The following NOS1 variants were observed in gnomAD, a reference collection of about 807,000 sequenced individuals.
NOS1 encodes NOS type I.
NOS1 carries 51 observed loss-of-function variants against 164.5 expected under a neutral mutation model. That is an observed-to-expected ratio of 0.31 (90% confidence interval 0.25 to 0.39). NOS1 has a LOEUF of 0.39. Ranked by LOEUF, NOS1 falls within the 10% of genes least tolerant of loss-of-function variation. The pLI is 1.00. For synonymous variants in NOS1, 719 were observed against 745.8 expected (o/e 0.96, Z 0.59); for missense variants, 1,362 against 1,885.6 (o/e 0.72, Z 5.14).
intron 16 of NOS1, among the ~76,000 whole-genome samples, chr12:117,255,194 T>C (rs1278684715): frequency 6.6e-6 from 1 of 152,084 alleles, no homozygotes; most frequent in East Asian, 1.9e-4. Flanking sequence ...GGAACCTTGA[T>C]ATTAAAAAAA....
intron 16 of NOS1, among the ~76,000 whole-genome samples, chr12:117,254,947 G>C (rs1025552663): frequency 2.0e-5 from 3 of 152,164 alleles, no homozygotes; most frequent in African/African-American, 7.2e-5. Context: ...ACAATGTTCA[G>C]CACTGACGCC....
At chr12:117,280,972 A>T in intron 7 of NOS1, 106 bp from the exon 8 acceptor site, 1 of 1,321,260 alleles carries the variant, frequency 7.6e-7, no homozygotes, top group South Asian at 1.4e-5. Flanking sequence ...GGCTCAGGGT[A>T]GATTACCTCC....
chr12:117,220,051 C>G (rs1190332396), intron 27 of NOS1, 24 bp downstream of exon 27: 2 of 1,582,752 alleles, frequency 1.3e-6, no homozygotes, highest in South Asian at 2.3e-5. Flanking sequence ...GAAAAGGGAC[C>G]TGGGAAGTCA....
intron 3 of NOS1, among the ~76,000 whole-genome samples, chr12:117,299,637 AAAAAAAAAAAAAG>A (rs1187923323): frequency 7.0e-6 from 1 of 142,270 alleles, no homozygotes; most frequent in African/African-American, 2.7e-5. Flanking sequence ...TTTGTCTCCA[AAAAAAAAAAAAAG>A]AAAAAAAGAA....
chr12:117,330,449 C>T lies in NOS1; in HGVS notation c.621G>A (p.Lys207=), dbSNP rs746166425. Residue 207 remains lysine, a synonymous_variant, in exon 2 of 29, where the codon AAG becomes AAA. Transcript: ENST00000317775. The surrounding 1 kb of genome is among the most constrained non-coding windows in gnomAD (Gnocchi z 4.6). ...GAAGGCTCAGCACAGGCTCTATCTCCTTGAGCAGTTCATTGTTCTCCCCTC... is the reference window on the plus strand; with the variant it reads ...GAAGGCTCAGCACAGGCTCTATCTCTTTGAGCAGTTCATTGTTCTCCCCTC... ...QGRGENNELL[K]EIEPVLSLLT... is the part of the protein sequence containing the mutation. 19 of 1,614,118 alleles carry T rather than the reference C, an allele frequency of 1.2e-5. No homozygotes were observed. The Admixed American group carries it at 2.7e-4, about 23-fold the overall frequency.
chr12:117,272,359 C>T lies in NOS1; in HGVS notation c.1839+26G>A, dbSNP rs368421180. On this transcript the variant is annotated intron_variant, in intron 10 of 28. Transcript: ENST00000317775. This position sits in a 1 kb window ranked among gnomAD's most constrained non-coding sequence, Gnocchi z 4.3. Reference sequence around the variant, plus strand: ...GCACCCTCTGCTATGTGCTTTTCCCCTGTGGTGACCAGAGAGGGCCCTTAC... The same window carrying T: ...GCACCCTCTGCTATGTGCTTTTCCCTTGTGGTGACCAGAGAGGGCCCTTAC... 1.5e-5 allele frequency: 25 copies of T among 1,613,730 alleles called. No individual in the cohort carries two copies. The highest frequency in any genetic ancestry group is 6.7e-5 in the East Asian group (3 of 44,876).
intron 1 of NOS1, among the ~76,000 whole-genome samples, chr12:117,358,331 C>T (rs1187174877): frequency 2.0e-5 from 3 of 151,774 alleles, no homozygotes; most frequent in South Asian, 2.1e-4. Flanking sequence ...ACAATACCCC[C>T]GCCCTCTCAC....
Position 117,227,608 on chromosome 12 carries a change from T to C in NOS1, c.3439A>G (p.Lys1147Glu), listed in dbSNP as rs1426211397. The C allele has an allele frequency of 6.2e-7, 1 of 1,614,088 alleles. No individual in the cohort carries two copies. The highest frequency in any genetic ancestry group is 8.5e-7 in the Non-Finnish European group (1 of 1,179,962). ...LQEYEEWKWG[K>E]NPTIVEVLEE... ...AGCACCTCCACGATGGTGGGGTTCT[T>C]GCCCCATTTCCATTCCTCGTACTCC... The change falls in exon 23 of 29, where the codon AAG becomes GAG. Residue 1147 changes from lysine (K) to glutamate (E), a missense_variant. Coordinates refer to ENST00000317775, the MANE Select transcript of NOS1 (RefSeq NM_000620.5).
At chr12:117,328,584 A>G (rs1300879770) in intron 2 of NOS1, among the ~76,000 whole-genome samples, 3 of 151,250 alleles carry the variant, frequency 2.0e-5, no homozygotes, top group African/African-American at 7.3e-5. Context: ...TTTGAGACGC[A>G]GTCTTGCTCT....
chr12:117,233,722 C>A (rs1307918703), intron 21 of NOS1, among the ~76,000 whole-genome samples: 3 of 149,310 alleles, frequency 2.0e-5, no homozygotes, highest in Non-Finnish European at 4.4e-5. Flanking sequence ...GCAGGAGAAT[C>A]GCTTGAACCT....
intron 3 of NOS1, among the ~76,000 whole-genome samples, chr12:117,294,232 G>A (rs1015994911): frequency 2.6e-5 from 4 of 152,178 alleles, no homozygotes; most frequent in African/African-American, 9.6e-5. Flanking sequence ...CAGATGTGGT[G>A]ATGACATCGG....
intron 9 of NOS1, among the ~76,000 whole-genome samples, chr12:117,275,406 T>TAAAC (rs1873100337): frequency 6.6e-6 from 1 of 152,124 alleles, no homozygotes; most frequent in African/African-American, 2.4e-5. Flanking sequence ...AACTGAAAGT[T>TAAAC]AAACACTGAA....
In NOS1 at chr12:117,211,042, C is replaced by G; in HGVS notation, c.*4267G>C. The G allele has an allele frequency of 1.4e-6, 1 of 722,940 alleles. No homozygotes were observed. 44.8% of individuals were successfully genotyped at this position (722,940 alleles called of 1,614,324 possible). On this transcript the variant is annotated 3_prime_UTR_variant, in exon 29 of 29. Transcript: ENST00000317775. ...TACAATCTTGGCTCACTGCAGCCTC[C>G]ACCTCCTGGGCTCAAGCGATCCTCC...
At chr12:117,326,569 T>A (rs1054613914) in intron 2 of NOS1, among the ~76,000 whole-genome samples, 2 of 152,144 alleles carry the variant, frequency 1.3e-5, no homozygotes, top group Admixed American at 6.5e-5. Context: ...CTAGACCTTG[T>A]TTCTCCTCTG....
At position 117,321,746 on chromosome 12, in the gene NOS1, G is replaced by A. The variant is rs187946817; in HGVS notation, c.725+8599C>T. On this transcript the variant is annotated intron_variant, in intron 2 of 28. Transcript: ENST00000317775. ...AGATACATCAAGTGTGGTCTGGGAG[G>A]AGTGCTTCTGACTCAGACAGTCCTG... Among the ~76,000 whole-genome samples, 56 of 152,276 alleles carry A rather than the reference G, an allele frequency of 3.7e-4. 1 individual carries two copies. The highest frequency in any genetic ancestry group is 1.2e-3 in the Admixed American group (19 of 15,302).
At position 117,214,604 on chromosome 12, in the gene NOS1, T is replaced by C; in HGVS notation, c.*705A>G. ...CTCTTTCATTGGGAGACAGCCCCTT[T>C]AATCAATTTCCCACTCCTCTCCCCA... On this transcript the variant is annotated 3_prime_UTR_variant, in exon 29 of 29. Coordinates refer to ENST00000317775, the MANE Select transcript of NOS1 (RefSeq NM_000620.5). 1 of 985,422 alleles carries C rather than the reference T, an allele frequency of 1.0e-6. No homozygotes were observed. Among genetic ancestry groups the C allele is most frequent in the Non-Finnish European group, 1.2e-6 (1 of 829,942 alleles). 61.0% of individuals were successfully genotyped at this position (985,422 alleles called of 1,614,324 possible). A position where few individuals can be genotyped will look rare whatever the true frequency, so the allele number is the denominator to read the frequency against.
intron 3 of NOS1, among the ~76,000 whole-genome samples, chr12:117,307,248 A>C (rs1874198572): frequency 6.6e-6 from 1 of 152,214 alleles, no homozygotes; most frequent in South Asian, 2.1e-4. Flanking sequence ...GTAGGGGGTA[A>C]GCTAAATCAG....
chr12:117,335,982 C>T (rs1875801209), intron 1 of NOS1, among the ~76,000 whole-genome samples: 1 of 152,206 alleles, frequency 6.6e-6, no homozygotes, highest in South Asian at 2.1e-4. Flanking sequence ...GCTGTGTCTA[C>T]AGGCATGAGC....
chr12:117,303,299 C>A (rs139263318), intron 3 of NOS1, among the ~76,000 whole-genome samples: 3 of 152,178 alleles, frequency 2.0e-5, no homozygotes, highest in Non-Finnish European at 2.9e-5. Flanking sequence ...GCCTGTCCCC[C>A]ACCTTTCTCA....
Sources: allele counts gnomAD v4.1 joint callset (sites outside exome capture counted in the v4.1 genomes callset), GRCh38; gene constraint gnomAD v4.1.1; non-coding constraint Gnocchi (gnomAD v3.1); transcripts MANE v1.5; gene names NCBI Gene and HGNC (gene_info 2026-07-23, HGNC 2026-07-21).